The following MPP7 variants were observed in gnomAD, a reference collection of about 807,000 sequenced individuals.
MPP7 encodes MAGUK p55 subfamily member 7.
A neutral mutation model predicts 76.5 loss-of-function variants in MPP7; 60 were observed. That is an observed-to-expected ratio of 0.78 (90% CI 0.64 to 0.97). The LOEUF (loss-of-function observed/expected upper bound fraction) is 0.97. Ranked by LOEUF, MPP7 falls within the 50% of genes least tolerant of loss-of-function variation. The pLI is 0.00. For synonymous variants in MPP7, 237 were observed against 244.5 expected, an observed-to-expected ratio of 0.97 and a Z score of 0.29; for missense variants, 641 against 694.0, an observed-to-expected ratio of 0.92 and a Z score of 0.86.
chr10:28,278,789 G>A (rs1451315268), intron 1 of MPP7, among the ~76,000 whole-genome samples: 3 of 148,700 alleles, frequency 2.0e-5, no homozygotes, highest in South Asian at 2.1e-4. Flanking sequence ...TATTTCAAAC[G>A]TTATCCGTAA....
At chr10:28,183,093 A>G (rs1410793885) in intron 3 of MPP7, among the ~76,000 whole-genome samples, 1 of 152,228 alleles carries the variant, frequency 6.6e-6, no homozygotes, top group Non-Finnish European at 1.5e-5. Context: ...AAACAAACAA[A>G]AAAAGAGCAA....
At position 28,149,962 on chromosome 10, in the gene MPP7, G is replaced by A. The variant is rs1182128390; in HGVS notation, c.234+20C>T. On this transcript the variant is annotated intron_variant, in intron 4 of 16. Coordinates refer to ENST00000683449, the MANE Select transcript of MPP7 (RefSeq NM_001318170.2). The stretch of plus-strand genomic sequence containing the variant: ...GTCTGCAGCAGACACATCCCAGTGA[G>A]CTCGGAGAGTCACACTTACATCATC... 1.2e-6 allele frequency: 2 copies of A among 1,607,334 alleles called. No individual in the cohort carries two copies. The highest frequency in any genetic ancestry group is 1.7e-5 in the Admixed American group (1 of 59,806).
chr10:28,256,723 T>G (rs894464183), intron 1 of MPP7, among the ~76,000 whole-genome samples: 43 of 152,216 alleles, frequency 2.8e-4, no homozygotes, highest in Admixed American at 6.5e-5. Context: ...CTATTAATTT[T>G]TTAAAATTCA....
chr10:28,285,134 T>C (rs116950627), intron 1 of MPP7, among the ~76,000 whole-genome samples: 2 of 152,336 alleles, frequency 1.3e-5, no homozygotes, highest in Non-Finnish European at 2.9e-5. Context: ...CAGCTCATAA[T>C]ATTGAAAACT....
chr10:28,211,397 T>G (rs1588930005), intron 2 of MPP7, among the ~76,000 whole-genome samples: 1 of 152,094 alleles, frequency 6.6e-6, no homozygotes, highest in East Asian at 1.9e-4. Context: ...TTTTAGATAC[T>G]CTGATGCTTT....
At chr10:28,315,490 G>C (rs910902553) in intron 2 of MPP7, among the ~76,000 whole-genome samples, 1 of 152,062 alleles carries the variant, frequency 6.6e-6, no homozygotes, top group African/African-American at 2.4e-5. Context: ...GGCGCACCCT[G>C]CCCACTGGCC....
chr10:28,088,854 G>C (rs1278362004), intron 12 of MPP7, among the ~76,000 whole-genome samples: 8 of 152,148 alleles, frequency 5.3e-5, no homozygotes, highest in Admixed American at 3.3e-4. Flanking sequence ...CGATGTTTGT[G>C]AAAATACCCA....
At chr10:28,283,680 A>G (rs377335046) in intron 1 of MPP7, among the ~76,000 whole-genome samples, 3 of 151,814 alleles carry the variant, frequency 2.0e-5, no homozygotes, top group South Asian at 4.1e-4. Flanking sequence ...ACGCCCAGCT[A>G]ATTTTTGTAT....
chr10:28,148,825 C>CA (rs1351612871), intron 4 of MPP7, among the ~76,000 whole-genome samples: 2 of 152,136 alleles, frequency 1.3e-5, no homozygotes, highest in African/African-American at 2.4e-5. Flanking sequence ...TGGGCCACAA[C>CA]AACATTGGTT....
chr10:28,067,419 C>T (rs983242507), intron 13 of MPP7, among the ~76,000 whole-genome samples: 4 of 152,132 alleles, frequency 2.6e-5, no homozygotes, highest in African/African-American at 9.7e-5. Flanking sequence ...TCCAAACATG[C>T]TATAAATACA....
intron 1 of MPP7, among the ~76,000 whole-genome samples, chr10:28,243,825 C>T (rs923848710): frequency 3.9e-5 from 6 of 152,142 alleles, no homozygotes; most frequent in Admixed American, 3.9e-4. Context: ...GCAATTCACT[C>T]ATGTTTTTGT....
chr10:28,225,028 A>C (rs1054147901), intron 2 of MPP7, among the ~76,000 whole-genome samples: 1 of 152,200 alleles, frequency 6.6e-6, no homozygotes, highest in African/African-American at 2.4e-5. Flanking sequence ...TCTGCAAATA[A>C]ACACAAACTA....
chr10:28,300,825 G>A (rs954422055), intron 1 of MPP7, among the ~76,000 whole-genome samples: 1 of 151,846 alleles, frequency 6.6e-6, no homozygotes, highest in Non-Finnish European at 1.5e-5. Context: ...TGGGCGTGGT[G>A]GCATGCGCCT....
At chr10:28,330,240 C>G (rs1186714831) in intron 1 of MPP7, among the ~76,000 whole-genome samples, 1 of 152,128 alleles carries the variant, frequency 6.6e-6, no homozygotes, top group African/African-American at 2.4e-5. Context: ...TGGAGGGTGA[C>G]TAAAATCAGG....
At chr10:28,105,761 G>T (rs1002684681) in intron 11 of MPP7, among the ~76,000 whole-genome samples, 4 of 152,118 alleles carry the variant, frequency 2.6e-5, no homozygotes, top group Non-Finnish European at 5.9e-5. Context: ...ACTGGCCTTG[G>T]CTTCCCAAAG....
chr10:28,159,546 G>C (rs1836186680), intron 3 of MPP7, among the ~76,000 whole-genome samples: 1 of 152,106 alleles, frequency 6.6e-6, no homozygotes, highest in Non-Finnish European at 1.5e-5. Flanking sequence ...TCTCCTATCA[G>C]CTCCTGCATC....
At chr10:28,135,056 G>T (rs1835311845) in intron 5 of MPP7, among the ~76,000 whole-genome samples, 1 of 152,142 alleles carries the variant, frequency 6.6e-6, no homozygotes, top group South Asian at 2.1e-4. Context: ...CAAAGATGCT[G>T]GGTATCAAGC....
At position 28,053,962 on chromosome 10, in the gene MPP7, A is replaced by G; in HGVS notation, c.*103T>C. On this transcript the variant is annotated 3_prime_UTR_variant, in exon 17 of 17. Coordinates refer to ENST00000683449, the MANE Select transcript of MPP7 (RefSeq NM_001318170.2). Reference sequence around the variant, plus strand: ...AGCATTCAACTTGAACCAAGATTGTACATCTATGACAGTGATATAGATTTA... The same window carrying G: ...AGCATTCAACTTGAACCAAGATTGTGCATCTATGACAGTGATATAGATTTA... 2.4e-6 allele frequency: 2 copies of G among 849,422 alleles called. No individual in the cohort carries two copies. The highest frequency in any genetic ancestry group is 3.9e-6 in the Non-Finnish European group (2 of 519,470). 52.6% of individuals were successfully genotyped at this position (849,422 alleles called of 1,614,324 possible).
At chr10:28,151,927 T>A (rs1275841723) in intron 3 of MPP7, among the ~76,000 whole-genome samples, 1 of 152,178 alleles carries the variant, frequency 6.6e-6, no homozygotes, top group Non-Finnish European at 1.5e-5. Context: ...TGGAAAGATA[T>A]ATAACAAATC....
Sources: gnomAD v4.1 joint callset for allele counts (sites outside exome capture counted in the v4.1 genomes callset) on GRCh38, gnomAD v4.1.1 for gene constraint, MANE v1.5 for transcripts, NCBI Gene and HGNC (gene_info 2026-07-23, HGNC 2026-07-21) for gene names.